Variants in GRIK2 observed in about 807,000 individuals in gnomAD.
GRIK2 encodes glutamate receptor ionotropic, kainate 2.
GRIK2 carries 32 observed loss-of-function variants against 100.3 expected under a neutral mutation model. That is an observed-to-expected ratio of 0.32 (90% CI 0.24 to 0.43). The LOEUF is 0.43. Ranked by LOEUF, GRIK2 falls within the 20% of genes least tolerant of loss-of-function variation. The pLI is 1.00. For synonymous variants in GRIK2, 417 were observed against 389.4 expected, an observed-to-expected ratio of 1.07 and a Z score of -0.83; for missense variants, 843 against 1,114.9, an observed-to-expected ratio of 0.76 and a Z score of 3.47.
At chr6:102,023,159 A>T (rs1052828518) in intron 14 of GRIK2, among the ~76,000 whole-genome samples, 2 of 151,526 alleles carry the variant, frequency 1.3e-5, no homozygotes, top group Non-Finnish European at 3.0e-5. Flanking sequence ...TTCACTAAGG[A>T]ATCTAGTGGG....
intron 7 of GRIK2, among the ~76,000 whole-genome samples, chr6:101,794,050 T>G (rs545958131): frequency 6.6e-6 from 1 of 152,308 alleles, no homozygotes; most frequent in East Asian, 1.9e-4. Context: ...CGCCATTTCC[T>G]AAGCCCGTCA....
At chr6:101,793,079 C>T (rs112984040) in intron 7 of GRIK2, among the ~76,000 whole-genome samples, 3,873 of 152,264 alleles carry the variant, frequency 0.025, 166 homozygotes, top group African/African-American at 0.088. Flanking sequence ...AAGCACTTCT[C>T]TGTATTGTTT....
chr6:102,035,411 A>G lies in GRIK2; in HGVS notation c.2156A>G (p.Lys719Arg), dbSNP rs747517699. 8.1e-6 allele frequency: 13 copies of G among 1,609,384 alleles called. No homozygotes were observed. In the East Asian group the frequency reaches 2.2e-4, roughly 28 times the overall value. The change falls in exon 15 of 17, where the codon AAA (lysine) becomes AGA (arginine). Residue 719 changes from lysine (K) to arginine (R), a missense_variant. By Grantham distance (26) the Lys-to-Arg change is conservative. This residue lies in a region of GRIK2 where 237 missense variants were observed against 388.0 expected (regional missense o/e 0.61). Coordinates refer to ENST00000369134, the MANE Select transcript of GRIK2 (RefSeq NM_021956.5). ...AGCAGAAGGCAGTCAGTGCTGGTCA[A>G]AAGTAATGAAGAAGGAATCCAGCGA... ...MSSRRQSVLV[K>R]SNEEGIQRVL...
chr6:101,860,051 CCTT>C (rs1352957040), intron 11 of GRIK2, among the ~76,000 whole-genome samples: 1 of 151,830 alleles, frequency 6.6e-6, no homozygotes, highest in African/African-American at 2.4e-5. Flanking sequence ...ATGTTTGTCA[CCTT>C]CTTATTCTCC....
intron 2 of GRIK2, among the ~76,000 whole-genome samples, chr6:101,468,815 A>C (rs1771796119): frequency 6.6e-6 from 1 of 152,272 alleles, no homozygotes; most frequent in African/African-American, 2.4e-5. Flanking sequence ...ACTTCAATAT[A>C]TGTTATAAGG....
chr6:101,847,464 A>G (rs565063875), intron 10 of GRIK2, among the ~76,000 whole-genome samples: 1 of 152,166 alleles, frequency 6.6e-6, no homozygotes, highest in East Asian at 1.9e-4. Context: ...ACCTTGCTAA[A>G]TTAATTTTGT....
chr6:101,837,028 A>T (rs1783171769), intron 10 of GRIK2, among the ~76,000 whole-genome samples: 1 of 152,090 alleles, frequency 6.6e-6, no homozygotes, highest in South Asian at 2.1e-4. Flanking sequence ...TCAATCCAGA[A>T]ACTCAGTTCC....
intron 2 of GRIK2, among the ~76,000 whole-genome samples, chr6:101,406,379 A>G (rs1226332471): frequency 1.3e-5 from 2 of 152,154 alleles, no homozygotes; most frequent in Non-Finnish European, 2.9e-5. Flanking sequence ...TCTTTTCTGG[A>G]TTTAGTAGAA....
intron 14 of GRIK2, among the ~76,000 whole-genome samples, chr6:101,970,217 T>TTTC (rs1562076147): frequency 6.6e-6 from 1 of 151,786 alleles, no homozygotes; most frequent in Non-Finnish European, 1.5e-5. Flanking sequence ...ATTTTTTTTT[T>TTTC]TCTCTAGGAT....
intron 4 of GRIK2, among the ~76,000 whole-genome samples, chr6:101,655,382 C>T (rs911570207): frequency 1.3e-5 from 2 of 152,240 alleles, no homozygotes; most frequent in Non-Finnish European, 1.5e-5. Context: ...CAAAAAGAAA[C>T]AGGACAGCCC....
At chr6:101,516,614 T>G (rs1051580594) in intron 2 of GRIK2, among the ~76,000 whole-genome samples, 1 of 152,114 alleles carries the variant, frequency 6.6e-6, no homozygotes, top group Non-Finnish European at 1.5e-5. Flanking sequence ...GACTTAAACC[T>G]AAGACCTGAG....
rs546653796 is a variant in GRIK2 at position 101,397,246 on chromosome 6, A to G, written c.-293-1739A>G. On this transcript the variant is annotated intron_variant, in intron 1 of 16. Transcript: ENST00000369134. ...TTGGCAGATAAAAATGTGAAGGATT[A>G]TTTTTTTCCCCTGGCAGTCATTATT... 1.4e-3 allele frequency among the ~76,000 whole-genome samples: 219 copies of G among 152,274 alleles called. 2 individuals carry two copies. Among genetic ancestry groups the G allele is most frequent in the Admixed American group, 4.6e-3 (70 of 15,294 alleles).
At chr6:101,798,543 A>G (rs1481264081) in intron 7 of GRIK2, among the ~76,000 whole-genome samples, 1 of 152,030 alleles carries the variant, frequency 6.6e-6, no homozygotes, top group Non-Finnish European at 1.5e-5. Context: ...TTTATGTGGT[A>G]TAGCTCCTTA....
At chr6:101,837,626 G>T (rs1257938035) in intron 10 of GRIK2, among the ~76,000 whole-genome samples, 1 of 152,138 alleles carries the variant, frequency 6.6e-6, no homozygotes, top group African/African-American at 2.4e-5. Flanking sequence ...TAGTCTTCTA[G>T]ATTTCAACAT....
chr6:101,429,891 A>G (rs961509874), intron 2 of GRIK2, among the ~76,000 whole-genome samples: 2 of 152,112 alleles, frequency 1.3e-5, no homozygotes, highest in Admixed American at 6.5e-5. Context: ...ACAACTTTCA[A>G]CTCCTGGCAA....
chr6:102,005,759 T>C (rs1795185149), intron 14 of GRIK2, among the ~76,000 whole-genome samples: 1 of 152,126 alleles, frequency 6.6e-6, no homozygotes, highest in South Asian at 2.1e-4. Flanking sequence ...ATTATATTAC[T>C]TTGGTATGGC....
At chr6:101,885,602 T>C (rs766608384) in intron 11 of GRIK2, among the ~76,000 whole-genome samples, 7 of 152,118 alleles carry the variant, frequency 4.6e-5, no homozygotes, top group Non-Finnish European at 8.8e-5. Flanking sequence ...AATAGACACA[T>C]TAATGCTAGC....
chr6:101,512,549 A>T (rs1774373558), intron 2 of GRIK2, among the ~76,000 whole-genome samples: 1 of 152,160 alleles, frequency 6.6e-6, no homozygotes, highest in Admixed American at 6.6e-5. Context: ...ATTCTTGTAA[A>T]GTAGCCACAT....
chr6:101,818,906 CATTATA>C (rs1272109276), intron 10 of GRIK2, among the ~76,000 whole-genome samples: 1 of 151,986 alleles, frequency 6.6e-6, no homozygotes, highest in African/African-American at 2.4e-5. Flanking sequence ...AATTTTTTCT[CATTATA>C]ATTATATTTT....
Sources: gnomAD v4.1 joint callset for allele counts (sites outside exome capture counted in the v4.1 genomes callset) on GRCh38, gnomAD v4.1.1 for gene constraint, gnomAD v4.1.1 regional missense constraint, MANE v1.5 for transcripts, NCBI Gene and HGNC (gene_info 2026-07-23, HGNC 2026-07-21) for gene names.